Variants in CRTC3 observed in about 807,000 individuals in gnomAD.
CRTC3 encodes CREB-regulated transcription coactivator 3.
Under a neutral mutation model 74.5 loss-of-function variants are expected in CRTC3, and 26 were observed. The observed-to-expected ratio is 0.35, with a 90% CI of 0.26 to 0.48. CRTC3 has a LOEUF of 0.48. CRTC3 is among the 20% of genes least tolerant of loss of function. The probability of loss-of-function intolerance (pLI) is 0.99; values close to 1 mark genes in which losing one functional copy is unlikely to be tolerated. For synonymous variants in CRTC3, 377 were observed against 325.8 expected (o/e 1.16, Z -1.69); for missense variants, 760 against 787.3 (o/e 0.97, Z 0.41).
intron 2 of CRTC3, among the ~76,000 whole-genome samples, chr15:90,566,931 G>T (rs966332856): frequency 3.3e-5 from 5 of 151,910 alleles, no homozygotes; most frequent in Non-Finnish European, 7.4e-5. Context: ...GGCTGGTCTC[G>T]AACTCCTGAC....
At chr15:90,561,067 A>G (rs1967001365) in intron 2 of CRTC3, among the ~76,000 whole-genome samples, 1 of 152,234 alleles carries the variant, frequency 6.6e-6, no homozygotes, top group Non-Finnish European at 1.5e-5. Context: ...TGGATCGTAG[A>G]CAAGATCGTT....
At chr15:90,601,614 T>C (rs1208004718) in intron 3 of CRTC3, among the ~76,000 whole-genome samples, 1 of 151,944 alleles carries the variant, frequency 6.6e-6, no homozygotes, top group Non-Finnish European at 1.5e-5. Context: ...GATTGCGCCA[T>C]TGCACTCCAG....
At chr15:90,590,757 C>T (rs1208406146) in intron 2 of CRTC3, among the ~76,000 whole-genome samples, 1 of 152,070 alleles carries the variant, frequency 6.6e-6, no homozygotes, top group East Asian at 1.9e-4. Context: ...GAAGGTTAAG[C>T]CAAATATAGT....
At chr15:90,603,467 C>T (rs1968139110) in intron 4 of CRTC3, among the ~76,000 whole-genome samples, 1 of 152,020 alleles carries the variant, frequency 6.6e-6, no homozygotes, top group South Asian at 2.1e-4. Context: ...GAAAAATAAG[C>T]ATCTTTTCTC....
chr15:90,625,621 G>A (rs933019613), intron 9 of CRTC3, among the ~76,000 whole-genome samples, 155 bp from the exon 10 acceptor site: 2 of 152,100 alleles, frequency 1.3e-5, no homozygotes, highest in Non-Finnish European at 2.9e-5. Flanking sequence ...AGGTTAAGCC[G>A]AGCACCAGTG....
At chr15:90,614,209 T>C (rs1205059009) in intron 6 of CRTC3, 1 of 447,188 alleles carries the variant, frequency 2.2e-6, no homozygotes, top group African/African-American at 2.0e-5. Context: ...ACAGTGACAG[T>C]AAGAAAATTT....
chr15:90,560,199 C>T (rs984295323), intron 2 of CRTC3, among the ~76,000 whole-genome samples: 1 of 152,124 alleles, frequency 6.6e-6, no homozygotes, highest in Non-Finnish European at 1.5e-5. Context: ...GGGATTTATT[C>T]ATTCAGCTAG....
At chr15:90,615,046 G>A (rs1456126313) in intron 7 of CRTC3, among the ~76,000 whole-genome samples, 1 of 151,432 alleles carries the variant, frequency 6.6e-6, no homozygotes, top group African/African-American at 2.5e-5. Context: ...TCTGGCGACC[G>A]AGCGAGACTC....
At chr15:90,628,328 G>A (rs6416556) in intron 10 of CRTC3, among the ~76,000 whole-genome samples, 141,960 of 152,284 alleles carry the variant, frequency 0.93, 66,339 homozygotes, top group Middle Eastern at 0.98. Flanking sequence ...TTGTCAACAC[G>A]AAACAACACA....
At chr15:90,539,881 A>G in intron 1 of CRTC3, 158 bp from the exon 2 acceptor site, 1 of 628,928 alleles carries the variant, frequency 1.6e-6, no homozygotes. Context: ...CAAAACCCAG[A>G]AAGCACCGGA....
intron 13 of CRTC3, among the ~76,000 whole-genome samples, chr15:90,640,639 G>A (rs535666717): frequency 2.6e-5 from 4 of 151,948 alleles, no homozygotes; most frequent in South Asian, 2.1e-4. Flanking sequence ...CCGAGATGGC[G>A]CCATTGCACT....
intron 8 of CRTC3, among the ~76,000 whole-genome samples, chr15:90,618,471 A>T (rs1417738596): frequency 3.3e-5 from 5 of 152,244 alleles, no homozygotes; most frequent in Non-Finnish European, 5.9e-5. Context: ...TGTATCTAAA[A>T]TTGTGCTAGC....
chr15:90,625,722 TTCCCAACA>T, intron 9 of CRTC3, 46 bp from the exon 10 acceptor site: 1 of 1,519,492 alleles, frequency 6.6e-7, no homozygotes, highest in Non-Finnish European at 9.1e-7. Flanking sequence ...CATGTTTGGT[TTCCCAACA>T]GCCAAATACA....
intron 2 of CRTC3, among the ~76,000 whole-genome samples, chr15:90,545,824 C>T (rs988835552): frequency 3.3e-5 from 5 of 152,066 alleles, no homozygotes; most frequent in South Asian, 2.1e-4. Context: ...GTGATCCGCC[C>T]GCCTTGGCCT....
At position 90,530,266 on chromosome 15, in the gene CRTC3, G is replaced by A. The variant is rs1450616210; in HGVS notation, c.132+63G>A. 1.0e-6 allele frequency: 1 copy of A among 980,398 alleles called. No homozygotes were observed. The highest frequency in any genetic ancestry group is 1.2e-6 in the Non-Finnish European group (1 of 818,062). The allele number at this position is 980,398 out of a possible 1,614,324, so 60.7% of individuals were successfully genotyped here. A position where few individuals can be genotyped will look rare whatever the true frequency, so the allele number is the denominator to read the frequency against. On this transcript the variant is annotated intron_variant, in intron 1 of 14. Transcript: ENST00000268184. The surrounding 1 kb of genome is among the most constrained non-coding windows in gnomAD (Gnocchi z 6.2). Reference sequence around the variant, plus strand: ...GCCGCGGGCGGGACCCGCGCGGCGGGTGAGAGGTTGCGGGGCCAAGGCGAT... The same window carrying A: ...GCCGCGGGCGGGACCCGCGCGGCGGATGAGAGGTTGCGGGGCCAAGGCGAT...
chr15:90,547,433 G>A (rs1384780518), intron 2 of CRTC3, among the ~76,000 whole-genome samples: 1 of 152,208 alleles, frequency 6.6e-6, no homozygotes, highest in African/African-American at 2.4e-5. Flanking sequence ...TGGTTGGTAA[G>A]TGTAGTACTA....
chr15:90,616,872 T>A (rs1968506815), intron 7 of CRTC3, among the ~76,000 whole-genome samples: 1 of 152,146 alleles, frequency 6.6e-6, no homozygotes, highest in Non-Finnish European at 1.5e-5. Flanking sequence ...GGTTGTTGGT[T>A]CCTCTTTGTC....
chr15:90,539,128 C>T (rs1000129376), intron 1 of CRTC3, among the ~76,000 whole-genome samples: 1 of 152,126 alleles, frequency 6.6e-6, no homozygotes, highest in Non-Finnish European at 1.5e-5. Context: ...CGTCTATAAC[C>T]CTTTCTTCTC....
At position 90,530,099 on chromosome 15, in the gene CRTC3, G is replaced by C. The variant is rs777118343; in HGVS notation, c.28G>C (p.Ala10Pro). Residue 10 changes from alanine to proline, a missense_variant, in exon 1 of 15, where the codon GCC (alanine) becomes CCC (proline). Ala to Pro is a conservative substitution (Grantham distance 27). Coordinates refer to ENST00000268184, the MANE Select transcript of CRTC3 (RefSeq NM_022769.5). This position sits in a 1 kb window ranked among gnomAD's most constrained non-coding sequence, Gnocchi z 6.2. ...GGCCGCCTCGCCGGGCTCGGGCAGC[G>C]CCAACCCGCGGAAGTTCAGTGAGAA... MAASPGSGS[A>P]NPRKFSEKIA... 5 of 1,448,136 alleles carry C rather than the reference G, an allele frequency of 3.5e-6. No individual in the cohort carries two copies. The highest frequency in any genetic ancestry group is 4.6e-6 in the Non-Finnish European group (5 of 1,084,712). 89.7% of individuals were successfully genotyped at this position (1,448,136 alleles called of 1,614,324 possible). A position where few individuals can be genotyped will look rare whatever the true frequency, so the allele number is the denominator to read the frequency against.
Sources: allele counts gnomAD v4.1 joint callset (sites outside exome capture counted in the v4.1 genomes callset), GRCh38; gene constraint gnomAD v4.1.1; non-coding constraint Gnocchi (gnomAD v3.1); transcripts MANE v1.5; gene names NCBI Gene and HGNC (gene_info 2026-07-23, HGNC 2026-07-21).